The following STX17 variants were observed in gnomAD, a reference collection of about 807,000 sequenced individuals.
STX17 encodes the protein syntaxin-17.
In STX17, 29 loss-of-function variants were observed where a neutral mutation model predicts 35.9. The observed-to-expected ratio is 0.81, with a 90% CI of 0.60 to 1.10. The LOEUF is 1.10. Among genes scored for constraint, STX17 ranks in the 50% least tolerant of loss-of-function variants. The pLI is 0.00. For synonymous variants in STX17, 92 were observed against 118.3 expected (o/e 0.78, Z 1.44); for missense variants, 312 against 352.3 (o/e 0.89, Z 0.92).
rs571857328 is a variant in STX17 at position 99,973,039 on chromosome 9, T to C, written c.*4366T>C. On this transcript the variant is annotated 3_prime_UTR_variant, in exon 8 of 8. Coordinates refer to ENST00000259400, the MANE Select transcript of STX17 (RefSeq NM_017919.3). ...ATTTTTTGTTTTTAAATTAATACTT[T>C]ATTGTTTTTAACAGGTGGTTCTCAT... Among the ~76,000 whole-genome samples, 19 of 152,304 alleles carry C rather than the reference T, an allele frequency of 1.2e-4. No individual in the cohort carries two copies. The East Asian group carries it at 3.3e-3, about 26-fold the overall frequency.
At chr9:99,910,022 C>T (rs1359674169) in intron 1 of STX17, among the ~76,000 whole-genome samples, 1 of 152,028 alleles carries the variant, frequency 6.6e-6, no homozygotes, top group Non-Finnish European at 1.5e-5. Context: ...CACCTGAGGT[C>T]GGGAGTTCGA....
At chr9:99,934,644 A>C (rs984063484) in intron 3 of STX17, among the ~76,000 whole-genome samples, 1 of 152,196 alleles carries the variant, frequency 6.6e-6, no homozygotes, top group African/African-American at 2.4e-5. Flanking sequence ...TAAGTTATTT[A>C]AATGTTTACC....
At chr9:99,948,141 G>A (rs1417790720) in intron 3 of STX17, among the ~76,000 whole-genome samples, 1 of 151,866 alleles carries the variant, frequency 6.6e-6, no homozygotes, top group Non-Finnish European at 1.5e-5. Context: ...TTCCCTAGTT[G>A]CCCTATCCAA....
intron 4 of STX17, among the ~76,000 whole-genome samples, chr9:99,952,962 G>T (rs1484119206): frequency 6.6e-6 from 1 of 151,706 alleles, no homozygotes; most frequent in Non-Finnish European, 1.5e-5. Flanking sequence ...CACCAGCATG[G>T]CACATGTATA....
chr9:99,941,006 T>C (rs1350118201), intron 3 of STX17, among the ~76,000 whole-genome samples: 2 of 152,250 alleles, frequency 1.3e-5, no homozygotes, highest in African/African-American at 2.4e-5. Context: ...TTTATGCTTG[T>C]ATGTCAGAAT....
chr9:99,973,541 A>G lies in STX17; in HGVS notation c.*4868A>G, dbSNP rs1450421068. On this transcript the variant is annotated 3_prime_UTR_variant, in exon 8 of 8. Transcript: ENST00000259400. ...CTCCCATCCCAGCCATGAATCTTTC[A>G]ACCTTAGTGGTCACCAACTTGACTC... Among the ~76,000 whole-genome samples, 1 of 152,152 alleles carries G rather than the reference A, an allele frequency of 6.6e-6. No homozygotes were observed. The highest frequency in any genetic ancestry group is 1.9e-4 in the East Asian group (1 of 5,198).
chr9:99,954,977 T>C (rs1829678714), intron 4 of STX17, among the ~76,000 whole-genome samples: 1 of 152,112 alleles, frequency 6.6e-6, no homozygotes, highest in African/African-American at 2.4e-5. Context: ...GCCAATCTTC[T>C]TGATCTGAGA....
intron 2 of STX17, 88 bp from the exon 3 acceptor site, chr9:99,928,690 T>C: frequency 9.2e-7 from 1 of 1,083,586 alleles, no homozygotes; most frequent in Non-Finnish European, 1.4e-6. Flanking sequence ...TGTTTAAGTT[T>C]GGGTGGGTGA....
chr9:99,924,376 T>G (rs1372659219), intron 2 of STX17, among the ~76,000 whole-genome samples: 1 of 152,072 alleles, frequency 6.6e-6, no homozygotes, highest in Non-Finnish European at 1.5e-5. Context: ...CAAGGAACTG[T>G]GGACAAAGAC....
chr9:99,918,831 T>A (rs1295333535), intron 2 of STX17, among the ~76,000 whole-genome samples: 1 of 152,186 alleles, frequency 6.6e-6, no homozygotes, highest in African/African-American at 2.4e-5. Context: ...GTCCTCCATC[T>A]CCTACCTGTT....
intron 1 of STX17, among the ~76,000 whole-genome samples, chr9:99,911,350 G>T (rs1338763427): frequency 1.3e-5 from 2 of 151,824 alleles, no homozygotes; most frequent in Non-Finnish European, 2.9e-5. Context: ...TTTTTTAATG[G>T]CTGAACGGTA....
At chr9:99,927,636 A>G (rs1032556215) in intron 2 of STX17, among the ~76,000 whole-genome samples, 1 of 151,976 alleles carries the variant, frequency 6.6e-6, no homozygotes, top group Non-Finnish European at 1.5e-5. Flanking sequence ...CATCATGCCC[A>G]GATAATTTTT....
intron 2 of STX17, among the ~76,000 whole-genome samples, chr9:99,922,361 C>G (rs557302414): frequency 1.8e-4 from 28 of 152,118 alleles, no homozygotes; most frequent in Non-Finnish European, 3.8e-4. Context: ...TGACTGTAGA[C>G]TGAAGGAGGC....
At chr9:99,925,118 G>A (rs1235834344) in intron 2 of STX17, among the ~76,000 whole-genome samples, 1 of 150,838 alleles carries the variant, frequency 6.6e-6, no homozygotes, top group Non-Finnish European at 1.5e-5. Context: ...TTTTCCTTTT[G>A]CTGGCTTACT....
chr9:99,913,297 T>A (rs1034438397), intron 1 of STX17, among the ~76,000 whole-genome samples: 4 of 152,116 alleles, frequency 2.6e-5, no homozygotes, highest in African/African-American at 9.6e-5. Context: ...TCTTTCTTTC[T>A]GGGACTTCTA....
chr9:99,916,194 G>A (rs1472893989), intron 2 of STX17: 1 of 409,260 alleles, frequency 2.4e-6, no homozygotes, highest in African/African-American at 2.1e-5. Context: ...ATTAGTCTCA[G>A]GGACTATGAT....
chr9:99,914,429 T>C (rs967337717), intron 1 of STX17, among the ~76,000 whole-genome samples: 6 of 152,184 alleles, frequency 3.9e-5, no homozygotes, highest in Non-Finnish European at 8.8e-5. Flanking sequence ...CTCTAGCCCC[T>C]ACGCTTGTAC....
intron 7 of STX17, 105 bp downstream of exon 7, chr9:99,967,844 T>C: frequency 2.1e-6 from 2 of 949,422 alleles, no homozygotes; most frequent in South Asian, 1.3e-5. Context: ...GAACCAGCAA[T>C]TAAGGAAATA....
At chr9:99,926,089 C>T (rs1209167087) in intron 2 of STX17, among the ~76,000 whole-genome samples, 7 of 151,846 alleles carry the variant, frequency 4.6e-5, no homozygotes, top group African/African-American at 1.4e-4. Flanking sequence ...TTTTCTTCTG[C>T]ATTGTCTTAT....
Sources: allele counts gnomAD v4.1 joint callset (sites outside exome capture counted in the v4.1 genomes callset), GRCh38; gene constraint gnomAD v4.1.1; transcripts MANE v1.5; gene names NCBI Gene and HGNC (gene_info 2026-07-23, HGNC 2026-07-21).